The following TANC2 variants were observed in gnomAD, a reference collection of about 807,000 sequenced individuals.
The protein encoded by TANC2 is tetratricopeptide repeat, ankyrin repeat and coiled-coil containing 2.
TANC2 carries 26 observed loss-of-function variants against 210.5 expected under a neutral mutation model. That is an observed-to-expected ratio of 0.12 (90% CI 0.09 to 0.17). The LOEUF (loss-of-function observed/expected upper bound fraction) is 0.17, where lower values mean the gene tolerates loss of function less well. Ranked by LOEUF, TANC2 falls within the 10% of genes least tolerant of loss-of-function variation. The pLI is 1.00. For missense variants in TANC2, 2,129 were observed against 2,608.9 expected (o/e 0.82, Z 4.01); for synonymous variants, 931 against 967.1 (o/e 0.96, Z 0.69).
chr17:63,162,314 A>C (rs774558886), intron 5 of TANC2, among the ~76,000 whole-genome samples: 1 of 151,834 alleles, frequency 6.6e-6, no homozygotes, highest in African/African-American at 2.4e-5. Context: ...AAAAAAAAAA[A>C]ACAAAACTGA....
chr17:63,372,825 T>C (rs2047310634), intron 14 of TANC2, among the ~76,000 whole-genome samples: 1 of 152,008 alleles, frequency 6.6e-6, no homozygotes, highest in South Asian at 2.1e-4. Flanking sequence ...TCTTCTGTCT[T>C]CACTTCCCTA....
At chr17:62,995,601 T>C (rs770438759) in intron 1 of TANC2, among the ~76,000 whole-genome samples, 2 of 152,096 alleles carry the variant, frequency 1.3e-5, no homozygotes, top group Non-Finnish European at 2.9e-5. Flanking sequence ...TAATAAGTAT[T>C]GCAAAAATGA....
In TANC2 at chr17:63,418,799, A is replaced by G. The variant is rs529462207; in HGVS notation, c.4268+392A>G. 3.3e-5 allele frequency among the ~76,000 whole-genome samples: 5 copies of G among 152,270 alleles called. No homozygotes were observed. The East Asian group carries it at 9.7e-4, about 29-fold the overall frequency. ...GGGAAAGTAGGATGGTTCACTTAAC[A>G]TCACAGGTTCCTCTTCCTTCTCCCA... is the stretch of plus-strand genomic sequence containing the variant. On this transcript the variant is annotated intron_variant, in intron 27 of 27. Coordinates refer to ENST00000689528, the Ensembl canonical transcript of TANC2. The surrounding 1 kb of genome is among the most constrained non-coding windows in gnomAD (Gnocchi z 4.6).
chr17:62,995,167 G>A (rs868423865), intron 1 of TANC2, among the ~76,000 whole-genome samples: 10 of 151,968 alleles, frequency 6.6e-5, no homozygotes, highest in Admixed American at 5.2e-4. Flanking sequence ...TAATAAAGCC[G>A]TTCTTTTCAA....
intron 14 of TANC2, among the ~76,000 whole-genome samples, chr17:63,359,584 G>A (rs2046896574): frequency 6.6e-6 from 1 of 152,088 alleles, no homozygotes; most frequent in Non-Finnish European, 1.5e-5. Context: ...CTGACCTCAG[G>A]TGGTCTGCCC....
intron 17 of TANC2, among the ~76,000 whole-genome samples, chr17:63,394,674 C>T (rs1458121069): frequency 6.6e-6 from 1 of 152,236 alleles, no homozygotes; most frequent in Non-Finnish European, 1.5e-5. Context: ...CATTTTCCAT[C>T]TCAGCCAGTC....
rs564466236 is a variant in TANC2, at chr17:63,268,122, G to A, written c.1159+249G>A. Among the ~76,000 whole-genome samples, 25 of 152,266 alleles carry A rather than the reference G, an allele frequency of 1.6e-4. No individual in the cohort carries two copies. The South Asian group carries it at 5.0e-3, about 30-fold the overall frequency. ...GGAAGCATTAGTTCCTCGAAATTCTGAAAGAAAACAGATGTAAAGGGGCTG... is the reference window on the plus strand; with the variant it reads ...GGAAGCATTAGTTCCTCGAAATTCTAAAAGAAAACAGATGTAAAGGGGCTG... On this transcript the variant is annotated intron_variant, in intron 9 of 27. Transcript: ENST00000689528.
rs758125869 is a variant in TANC2, at chr17:63,420,107, G to GCAGCAGCCA, written c.4388_4396dup (p.Gln1463_Pro1465dup). On this transcript the variant is annotated inframe_insertion, in exon 28 of 28. Transcript: ENST00000689528. The surrounding 1 kb of genome is among the most constrained non-coding windows in gnomAD (Gnocchi z 4.2). ...GAGTGGAAGAAGAGTGTAGACAGATGCAGCAGCCACAGCAGCCACCGCCGC... is the reference window on the plus strand; with the variant it reads ...GAGTGGAAGAAGAGTGTAGACAGATGCAGCAGCCACAGCAGCCACAGCAGCCACCGCCGC... 1.0e-5 allele frequency: 16 copies of GCAGCAGCCA among 1,552,176 alleles called. No homozygotes were observed. In the East Asian group the frequency reaches 1.2e-4, roughly 12 times the overall value.
chr17:63,285,569 T>C (rs774550583), intron 9 of TANC2, among the ~76,000 whole-genome samples: 14 of 152,172 alleles, frequency 9.2e-5, no homozygotes, highest in East Asian at 1.9e-4. Context: ...AGCTATGCTT[T>C]ATTATAATGA....
chr17:63,083,462 C>T (rs2036851605), intron 3 of TANC2, among the ~76,000 whole-genome samples: 2 of 152,128 alleles, frequency 1.3e-5, no homozygotes, highest in South Asian at 2.1e-4. Context: ...GGGAGATTTC[C>T]TCCAGTCTCT....
chr17:63,348,087 A>G (rs2046474565), intron 12 of TANC2, among the ~76,000 whole-genome samples: 1 of 152,228 alleles, frequency 6.6e-6, no homozygotes, highest in African/African-American at 2.4e-5. Flanking sequence ...ATTTGTTACC[A>G]CACTGAAGGA....
chr17:63,075,318 A>G (rs552333607), intron 3 of TANC2, among the ~76,000 whole-genome samples: 83 of 152,288 alleles, frequency 5.5e-4, no homozygotes, highest in Non-Finnish European at 9.6e-4. Flanking sequence ...CAGTTAAAAT[A>G]TTTTTCAAAT....
At chr17:63,096,415 A>G (rs2037388869) in intron 3 of TANC2, among the ~76,000 whole-genome samples, 1 of 152,322 alleles carries the variant, frequency 6.6e-6, no homozygotes, top group East Asian at 1.9e-4. Flanking sequence ...AGTGGCCTCA[A>G]CTAAGGTCAT....
At chr17:63,005,447 C>G (rs2033577450) in intron 1 of TANC2, among the ~76,000 whole-genome samples, 1 of 151,292 alleles carries the variant, frequency 6.6e-6, no homozygotes, top group Admixed American at 6.6e-5. Context: ...ATCATGTGTG[C>G]TTTAGAATCA....
chr17:63,234,323 A>AT (rs2042561317), intron 7 of TANC2, among the ~76,000 whole-genome samples: 1 of 152,130 alleles, frequency 6.6e-6, no homozygotes, highest in Non-Finnish European at 1.5e-5. Flanking sequence ...CTCTCATTAC[A>AT]TTTTTTCCCT....
At chr17:63,071,759 T>G (rs555524312) in intron 2 of TANC2, among the ~76,000 whole-genome samples, 1 of 152,292 alleles carries the variant, frequency 6.6e-6, no homozygotes, top group African/African-American at 2.4e-5. Flanking sequence ...TTAGAATGCC[T>G]CTATTCTGTA....
At chr17:63,056,274 C>T (rs983734700) in intron 2 of TANC2, among the ~76,000 whole-genome samples, 11 of 150,686 alleles carry the variant, frequency 7.3e-5, no homozygotes, top group East Asian at 3.9e-4. Flanking sequence ...GAGCTAATGA[C>T]GACTTTTATG....
In TANC2 at chr17:63,419,882, C is replaced by A. The variant is rs1033942475; in HGVS notation, c.4269-117C>A. ...ATAAATCCAACTAAACCGAAATACC[C>A]CAGACTCCCACAGACGCCACCACAG... On this transcript the variant is annotated intron_variant, in intron 27 of 27. Coordinates refer to ENST00000689528, the Ensembl canonical transcript of TANC2. 1.2e-5 allele frequency: 15 copies of A among 1,230,588 alleles called. 1 individual carries two copies. Among genetic ancestry groups the A allele is most frequent in the Non-Finnish European group, 1.1e-6 (1 of 909,476 alleles). The allele number at this position is 1,230,588 out of a possible 1,614,324, so 76.2% of individuals were successfully genotyped here. A position where few individuals can be genotyped will look rare whatever the true frequency, so the allele number is the denominator to read the frequency against.
At position 63,075,350 on chromosome 17, in the gene TANC2, A is replaced by G. The variant is rs200666477; in HGVS notation, c.139+1336A>G. 2.2e-4 allele frequency among the ~76,000 whole-genome samples: 33 copies of G among 152,310 alleles called. No individual in the cohort carries two copies. The East Asian group carries it at 2.9e-3, about 13-fold the overall frequency. On this transcript the variant is annotated intron_variant, in intron 3 of 27. Transcript: ENST00000689528. The stretch of plus-strand genomic sequence containing the variant: ...AAATCAATGAGCGTAATTGAATTTT[A>G]TTAACAAAGCTAAAACTTCAAACAA...
Sources: gnomAD v4.1 joint callset for allele counts (sites outside exome capture counted in the v4.1 genomes callset) on GRCh38, gnomAD v4.1.1 for gene constraint, Gnocchi (gnomAD v3.1) non-coding constraint, MANE v1.5 for transcripts, NCBI Gene and HGNC (gene_info 2026-07-23, HGNC 2026-07-21) for gene names.